TOX2: variants seen among roughly 807,000 people sequenced by gnomAD.
TOX2 encodes the protein TOX high mobility group box family member 2, also known as granulosa cell HMG box 1.
Under a neutral mutation model 47.4 loss-of-function variants are expected in TOX2, and 15 were observed. The observed-to-expected ratio is 0.32, with a 90% CI of 0.21 to 0.49. The LOEUF (loss-of-function observed/expected upper bound fraction) is 0.49, where lower values mean the gene tolerates loss of function less well. TOX2 is among the 20% of genes least tolerant of loss of function. The pLI, the probability that TOX2 is intolerant of heterozygous loss-of-function variation, is 0.99. For synonymous variants in TOX2, 290 were observed against 296.6 expected (o/e 0.98, Z 0.23); for missense variants, 622 against 673.1 (o/e 0.92, Z 0.84).
chr20:43,982,335 G>C (rs1027953325), intron 2 of TOX2, among the ~76,000 whole-genome samples: 2 of 152,278 alleles, frequency 1.3e-5, no homozygotes, highest in Admixed American at 6.5e-5. Context: ...GCAGACAGGT[G>C]GGTTAATCCA....
intron 2 of TOX2, among the ~76,000 whole-genome samples, chr20:43,979,605 T>G (rs545388636): frequency 6.6e-6 from 1 of 152,206 alleles, no homozygotes; most frequent in South Asian, 2.1e-4. Context: ...GCCCACAGAA[T>G]GGGAGAAAGT....
At chr20:43,919,993 C>A (rs1306703233) in intron 1 of TOX2, among the ~76,000 whole-genome samples, 1 of 152,212 alleles carries the variant, frequency 6.6e-6, no homozygotes, top group Non-Finnish European at 1.5e-5. Flanking sequence ...TTGGGCTCCA[C>A]CCCCAGAGAT....
At chr20:44,028,993 C>T (rs1257711147) in intron 3 of TOX2, among the ~76,000 whole-genome samples, 1 of 152,168 alleles carries the variant, frequency 6.6e-6, no homozygotes, top group Non-Finnish European at 1.5e-5. Context: ...CCACTCTGGA[C>T]CCCCAGTGAC....
At chr20:44,016,608 C>T (rs1282793420) in intron 3 of TOX2, among the ~76,000 whole-genome samples, 3 of 152,112 alleles carry the variant, frequency 2.0e-5, no homozygotes, top group Admixed American at 2.0e-4. Flanking sequence ...GTAGCACTAC[C>T]CTAGTCAAAA....
intron 2 of TOX2, among the ~76,000 whole-genome samples, chr20:43,975,240 G>C (rs2070055269): frequency 6.6e-6 from 1 of 151,984 alleles, no homozygotes; most frequent in Admixed American, 6.5e-5. Context: ...GGGGCTCTGT[G>C]TCTGCTCTAG....
intron 2 of TOX2, among the ~76,000 whole-genome samples, chr20:43,983,561 C>T (rs1312054144): frequency 6.6e-6 from 1 of 152,182 alleles, no homozygotes; most frequent in African/African-American, 2.4e-5. Context: ...GTGTCAGATG[C>T]CCAGAATGGG....
chr20:43,918,028 A>G (rs2069076619), intron 1 of TOX2, among the ~76,000 whole-genome samples: 1 of 145,636 alleles, frequency 6.9e-6, no homozygotes, highest in African/African-American at 2.6e-5. Context: ...AGGAACAAAG[A>G]TGAGGCCTGA....
chr20:43,927,034 A>G (rs557244299), intron 1 of TOX2, among the ~76,000 whole-genome samples: 1 of 152,374 alleles, frequency 6.6e-6, no homozygotes, highest in East Asian at 1.9e-4. Flanking sequence ...CCCAGCTGCC[A>G]TATCCATTGT....
intron 2 of TOX2, among the ~76,000 whole-genome samples, chr20:44,002,534 A>G (rs1415980575): frequency 1.3e-5 from 2 of 152,206 alleles, no homozygotes; most frequent in African/African-American, 4.8e-5. Context: ...GCTTTCTCAC[A>G]CATGAGGAAA....
rs1021864854 is a variant in TOX2 at position 44,036,524 on chromosome 20, A to C, written c.412-14782A>C. Among the ~76,000 whole-genome samples, 11 of 152,384 alleles carry C rather than the reference A, an allele frequency of 7.2e-5. No homozygotes were observed. The South Asian group carries it at 1.2e-3, about 17-fold the overall frequency. ...GTAAGAAGTAACTGGTCAACAGGTC[A>C]GTGTCTGGCAAATGCTACCTGCCAC... On this transcript the variant is annotated intron_variant, in intron 3 of 8. Coordinates refer to ENST00000341197, the MANE Select transcript of TOX2 (RefSeq NM_001098797.2).
chr20:43,951,579 A>C (rs2069567307), intron 1 of TOX2, among the ~76,000 whole-genome samples: 1 of 151,960 alleles, frequency 6.6e-6, no homozygotes, highest in Non-Finnish European at 1.5e-5. Flanking sequence ...CTCCACCTCA[A>C]AACAAAACAA....
chr20:44,065,585 C>A, intron 6 of TOX2, 127 bp from the exon 7 acceptor site: 1 of 1,168,260 alleles, frequency 8.6e-7, no homozygotes. Context: ...CTGGTTAGTC[C>A]AAGCTCTCTC....
intron 1 of TOX2, among the ~76,000 whole-genome samples, chr20:43,927,625 C>CCTTCCCCT (rs2069188238): frequency 1.2e-5 from 1 of 81,340 alleles, no homozygotes; most frequent in African/African-American, 6.2e-5. Flanking sequence ...TCCTTCCTTC[C>CCTTCCCCT]TCCTTCCTTC....
chr20:44,027,477 G>C (rs2071084458), intron 3 of TOX2, among the ~76,000 whole-genome samples: 1 of 152,226 alleles, frequency 6.6e-6, no homozygotes, highest in South Asian at 2.1e-4. Context: ...CTCCGCCATA[G>C]CCTGTGCAGC....
chr20:43,985,567 G>T (rs546739014), intron 2 of TOX2, among the ~76,000 whole-genome samples: 23 of 152,198 alleles, frequency 1.5e-4, no homozygotes, highest in Non-Finnish European at 3.1e-4. Flanking sequence ...TAAATTAAGT[G>T]TGTTTATATC....
chr20:43,970,929 G>A (rs1336727092), intron 1 of TOX2, among the ~76,000 whole-genome samples: 1 of 152,256 alleles, frequency 6.6e-6, no homozygotes, highest in Non-Finnish European at 1.5e-5. Context: ...CTTGCAGCAT[G>A]AGCTCTGTGT....
At chr20:43,967,364 G>A (rs542027241) in intron 1 of TOX2, among the ~76,000 whole-genome samples, 1 of 152,302 alleles carries the variant, frequency 6.6e-6, no homozygotes, top group East Asian at 1.9e-4. Flanking sequence ...ACCGTGAGTA[G>A]CCATGACATT....
intron 1 of TOX2, among the ~76,000 whole-genome samples, chr20:43,947,827 C>A (rs566864071): frequency 1.3e-5 from 2 of 152,340 alleles, no homozygotes; most frequent in East Asian, 1.9e-4. Flanking sequence ...AGATTGCTAC[C>A]TGACGACCTG....
chr20:44,018,887 G>A (rs945423229), intron 3 of TOX2, among the ~76,000 whole-genome samples: 24 of 152,164 alleles, frequency 1.6e-4, no homozygotes, highest in Admixed American at 1.2e-3. Flanking sequence ...GCACTTAACT[G>A]GGAGTCTGGG....
Sources: allele counts gnomAD v4.1 joint callset (sites outside exome capture counted in the v4.1 genomes callset), GRCh38; gene constraint gnomAD v4.1.1; transcripts MANE v1.5; gene names NCBI Gene and HGNC (gene_info 2026-07-23, HGNC 2026-07-21).